The following PCDHGA4 variants were observed in gnomAD, a reference collection of about 807,000 sequenced individuals.
PCDHGA4 encodes protocadherin gamma-A4.
Under a neutral mutation model 54.6 loss-of-function variants are expected in PCDHGA4, and 38 were observed. That is an observed-to-expected ratio of 0.70 (90% CI 0.54 to 0.91). The LOEUF (loss-of-function observed/expected upper bound fraction) is 0.91. Ranked by LOEUF, PCDHGA4 falls within the 40% of genes least tolerant of loss-of-function variation. PCDHGA4 has a pLI of 0.00. For missense variants in PCDHGA4, 1,298 were observed against 1,220.9 expected, an observed-to-expected ratio of 1.06 and a Z score of -0.94; for synonymous variants, 511 against 512.9, an observed-to-expected ratio of 1.00 and a Z score of 0.05.
intron 1 of PCDHGA4, among the ~76,000 whole-genome samples, chr5:141,381,021 A>C (rs1337045827): frequency 6.6e-6 from 1 of 152,244 alleles, no homozygotes; most frequent in Non-Finnish European, 1.5e-5. Context: ...TACCTCTATT[A>C]GTTCCTTTAA....
At chr5:141,408,763 T>C in intron 1 of PCDHGA4, 1 of 1,611,150 alleles carries the variant, frequency 6.2e-7, no homozygotes. Context: ...TTAATTCCGA[T>C]GGTGGCAAAT....
In PCDHGA4 at chr5:141,487,822, G is replaced by T. The variant is rs1406642768; in HGVS notation, c.2515-6985G>T. ...TGTCACAGTTTAGCATTGGGGGCGG[G>T]TCATGCCTATATCTGAGTAAGAAAT... On this transcript the variant is annotated intron_variant, in intron 1 of 3. Coordinates refer to ENST00000571252, the MANE Select transcript of PCDHGA4 (RefSeq NM_018917.4). This position sits in a 1 kb window ranked among gnomAD's most constrained non-coding sequence, Gnocchi z 5.0. The T allele has an allele frequency of 3.1e-6, 4 of 1,278,640 alleles. No homozygotes were observed. The East Asian group carries it at 7.6e-5, about 24-fold the overall frequency. 79.2% of individuals were successfully genotyped at this position (1,278,640 alleles called of 1,614,324 possible). A position where few individuals can be genotyped will look rare whatever the true frequency, so the allele number is the denominator to read the frequency against.
intron 1 of PCDHGA4, among the ~76,000 whole-genome samples, chr5:141,425,293 T>A (rs1332220576): frequency 1.3e-5 from 2 of 152,172 alleles, no homozygotes; most frequent in African/African-American, 4.8e-5. Context: ...TTATAAAACC[T>A]CATCTAAACT....
In PCDHGA4 at chr5:141,487,268, G is replaced by A; in HGVS notation, c.2515-7539G>A. ...CCTCTACTTGGCTGTGTCCCTAGTG[G>A]CAATTTGCTTTGTCTCCTTTGGCTC... On this transcript the variant is annotated intron_variant, in intron 1 of 3. Transcript: ENST00000571252. This position sits in a 1 kb window ranked among gnomAD's most constrained non-coding sequence, Gnocchi z 5.0. 4 of 1,614,100 alleles carry A rather than the reference G, an allele frequency of 2.5e-6. No homozygotes were observed. The South Asian group carries it at 4.4e-5, about 18-fold the overall frequency.
At chr5:141,409,545 A>G in intron 1 of PCDHGA4, 1 of 1,613,938 alleles carries the variant, frequency 6.2e-7, no homozygotes, top group African/African-American at 1.3e-5. Flanking sequence ...ATCAACGACA[A>G]CGCCCCAGTT....
chr5:141,371,914 T>C (rs1768185765), intron 1 of PCDHGA4: 1 of 1,613,262 alleles, frequency 6.2e-7, no homozygotes, highest in Admixed American at 1.7e-5. Context: ...TACGTGTCCG[T>C]GAGCGCGCGG....
At position 141,450,007 on chromosome 5, in the gene PCDHGA4, T is replaced by TA. The variant is rs57702245; in HGVS notation, c.2515-44800_2515-44799insA. Among the ~76,000 whole-genome samples the TA allele has an allele frequency of 5.9e-4, 19 of 31,956 alleles. No homozygotes were observed. In the African/African-American group the frequency reaches 7.8e-3, roughly 13 times the overall value. 21.0% of individuals were successfully genotyped at this position (31,956 alleles called of 152,430 possible). A position where few individuals can be genotyped will look rare whatever the true frequency, so the allele number is the denominator to read the frequency against. On this transcript the variant is annotated intron_variant, in intron 1 of 3. Coordinates refer to ENST00000571252, the MANE Select transcript of PCDHGA4 (RefSeq NM_018917.4). Reference sequence around the variant, plus strand: ...ACATTGCATTTAGTTGCCATGTCTCTTTTTTTTTTTTTTTTTTGAGACAGG... The same window carrying TA: ...ACATTGCATTTAGTTGCCATGTCTCTATTTTTTTTTTTTTTTTTGAGACAGG...
chr5:141,441,155 T>A (rs2098229690), intron 1 of PCDHGA4: 1 of 152,230 alleles, frequency 6.6e-6, no homozygotes, highest in East Asian at 1.9e-4. Flanking sequence ...GACAATATCC[T>A]AGAGGCGATT....
chr5:141,398,145 G>A, intron 1 of PCDHGA4: 2 of 1,520,796 alleles, frequency 1.3e-6, no homozygotes, highest in Admixed American at 4.8e-5. Context: ...GCGGCGCCGG[G>A]GAGCTGGGCC....
chr5:141,372,698 C>G, intron 1 of PCDHGA4: 1 of 1,613,986 alleles, frequency 6.2e-7, no homozygotes, highest in Non-Finnish European at 8.5e-7. Flanking sequence ...TTAAATTTCT[C>G]AATATAAAGG....
intron 1 of PCDHGA4, chr5:141,404,714 G>A: frequency 3.1e-6 from 5 of 1,614,068 alleles, no homozygotes; most frequent in Non-Finnish European, 4.2e-6. Flanking sequence ...TGGCTACCTG[G>A]TGACCAAGGT....
chr5:141,370,990 C>T (rs763809323), intron 1 of PCDHGA4: 3 of 1,613,826 alleles, frequency 1.9e-6, no homozygotes, highest in Admixed American at 1.7e-5. Flanking sequence ...CTGAAAGCAC[C>T]CCTGGACAGG....
intron 1 of PCDHGA4, among the ~76,000 whole-genome samples, chr5:141,484,170 A>G (rs962978452): frequency 6.6e-6 from 1 of 152,210 alleles, no homozygotes; most frequent in Non-Finnish European, 1.5e-5. Context: ...TTGGTAGCTG[A>G]TCTCAATCAT....
At chr5:141,484,054 G>A (rs1192214731) in intron 1 of PCDHGA4, among the ~76,000 whole-genome samples, 4 of 152,044 alleles carry the variant, frequency 2.6e-5, no homozygotes, top group African/African-American at 9.7e-5. Flanking sequence ...AGGTCCCCTG[G>A]GGCTAAGTGA....
At chr5:141,361,800 C>A in intron 1 of PCDHGA4, 1 of 1,613,196 alleles carries the variant, frequency 6.2e-7, no homozygotes, top group Non-Finnish European at 8.5e-7. Flanking sequence ...TGGGCGACCT[C>A]AATGACAATG....
chr5:141,477,835 T>G lies in PCDHGA4; in HGVS notation c.2515-16972T>G. ...CCCAGGTCCTATATCCTCGGCCAGG[T>G]GGGAGCTCGGTGGAGATGCTGCCTC... On this transcript the variant is annotated intron_variant, in intron 1 of 3. Coordinates refer to ENST00000571252, the MANE Select transcript of PCDHGA4 (RefSeq NM_018917.4). This position sits in a 1 kb window ranked among gnomAD's most constrained non-coding sequence, Gnocchi z 4.9. The G allele has an allele frequency of 6.2e-7, 1 of 1,614,090 alleles. No individual in the cohort carries two copies. Among genetic ancestry groups the G allele is most frequent in the South Asian group, 1.1e-5 (1 of 91,072 alleles).
chr5:141,383,368 G>C, intron 1 of PCDHGA4: 1 of 1,614,014 alleles, frequency 6.2e-7, no homozygotes, highest in Middle Eastern at 1.6e-4. Context: ...GTTAAGCGAG[G>C]CTGGGGATCC....
chr5:141,455,476 G>C (rs2098823789), intron 1 of PCDHGA4, among the ~76,000 whole-genome samples: 1 of 152,218 alleles, frequency 6.6e-6, no homozygotes. Flanking sequence ...ATATGCAGAG[G>C]CTGGTGGAGG....
At chr5:141,439,668 A>C (rs944454917) in intron 1 of PCDHGA4, among the ~76,000 whole-genome samples, 1 of 152,230 alleles carries the variant, frequency 6.6e-6, no homozygotes, top group Non-Finnish European at 1.5e-5. Context: ...CATGGAATGC[A>C]AATCCAAGAG....
Sources: gnomAD v4.1 joint callset for allele counts (sites outside exome capture counted in the v4.1 genomes callset) on GRCh38, gnomAD v4.1.1 for gene constraint, Gnocchi (gnomAD v3.1) non-coding constraint, MANE v1.5 for transcripts, NCBI Gene and HGNC (gene_info 2026-07-23, HGNC 2026-07-21) for gene names.